AGAP3: variants seen among roughly 807,000 people sequenced by gnomAD.
AGAP3 encodes ArfGAP with GTPase domain, ankyrin repeat and PH domain 3, also known as arf-GAP with GTPase, ANK repeat and PH domain-containing protein 3.
A neutral mutation model predicts 96.9 loss-of-function variants in AGAP3; 24 were observed. The observed-to-expected ratio is 0.25, with a 90% confidence interval of 0.18 to 0.35. The LOEUF (loss-of-function observed/expected upper bound fraction) is 0.35. Ranked by LOEUF, AGAP3 falls within the 10% of genes least tolerant of loss-of-function variation. The pLI, the probability that AGAP3 is intolerant of heterozygous loss-of-function variation, is 1.00. For synonymous variants in AGAP3, 563 were observed against 536.1 expected, an observed-to-expected ratio of 1.05 and a Z score of -0.69; for missense variants, 876 against 1,254.2, an observed-to-expected ratio of 0.70 and a Z score of 4.55.
chr7:151,130,087 C>T (rs943774076), intron 10 of AGAP3, among the ~76,000 whole-genome samples: 2 of 152,170 alleles, frequency 1.3e-5, no homozygotes, highest in African/African-American at 4.8e-5. Context: ...ACCTCGGTGG[C>T]GGAGCTTGGG....
chr7:151,094,829 C>T (rs1798534227), intron 1 of AGAP3, among the ~76,000 whole-genome samples: 1 of 151,242 alleles, frequency 6.6e-6, no homozygotes, highest in African/African-American at 2.4e-5. Flanking sequence ...TCCCTTCCTC[C>T]CTCCCTTCCC....
In AGAP3 at chr7:151,096,509, G is replaced by A. The variant is rs1798609767; in HGVS notation, c.331+9437G>A. 6.7e-6 allele frequency among the ~76,000 whole-genome samples: 1 copy of A among 150,078 alleles called. No individual in the cohort carries two copies. Among genetic ancestry groups the A allele is most frequent in the Non-Finnish European group, 1.5e-5 (1 of 67,714 alleles). On this transcript the variant is annotated intron_variant, in intron 1 of 17. Coordinates refer to ENST00000397238, the MANE Select transcript of AGAP3 (RefSeq NM_031946.7). This position sits in a 1 kb window ranked among gnomAD's most constrained non-coding sequence, Gnocchi z 4.4. ...TTTTTTTGAGGTGGAGTCTCGCTCT[G>A]TCGCCCAGGCTGGAGTGCAGTGGCG...
chr7:151,105,831 C>G (rs1249939047), intron 1 of AGAP3, among the ~76,000 whole-genome samples: 3 of 137,548 alleles, frequency 2.2e-5, no homozygotes, highest in Non-Finnish European at 3.1e-5. Flanking sequence ...CACACACACA[C>G]AGTCAAGCAT....
intron 3 of AGAP3, 70 bp downstream of exon 3, chr7:151,117,252 G>A (rs2044250763): frequency 6.3e-7 from 1 of 1,576,430 alleles, no homozygotes; most frequent in Admixed American, 1.7e-5. Context: ...CAGGGTCTGG[G>A]TGGGGGGTCT....
At position 151,143,637 on chromosome 7, in the gene AGAP3, T is replaced by C. The variant is rs115279416; in HGVS notation, c.2529+41T>C. On this transcript the variant is annotated intron_variant, in intron 17 of 17. Transcript: ENST00000397238. This position sits in a 1 kb window ranked among gnomAD's most constrained non-coding sequence, Gnocchi z 5.9. ...CTAGCCTGCCCTGACCTCGCTCTTC[T>C]TAGCCTTGTTCTTTGAAAGCAACCT... The C allele has an allele frequency of 5.0e-4, 792 of 1,599,756 alleles. 5 individuals carry two copies. In the African/African-American group the frequency reaches 9.4e-3, roughly 19 times the overall value.
rs772072927 is a variant in AGAP3 at position 151,117,624 on chromosome 7, G to A, written c.565-12G>A. 6.2e-7 allele frequency: 1 copy of A among 1,613,802 alleles called. No individual in the cohort carries two copies. The highest frequency in any genetic ancestry group is 1.7e-4 in the Middle Eastern group (1 of 6,060). On this transcript the variant is annotated splice_polypyrimidine_tract_variant and intron_variant, in intron 4 of 17. Coordinates refer to ENST00000397238, the MANE Select transcript of AGAP3 (RefSeq NM_031946.7). ...CCAGTTGCGGGTGCTAATTTTACTT[G>A]CTCTACCCTAGTTTGCTGCCTGGGT...
chr7:151,120,097 C>T lies in AGAP3; in HGVS notation c.1080C>T (p.Thr360=), dbSNP rs957881817. The T allele has an allele frequency of 1.9e-6, 3 of 1,613,858 alleles. No homozygotes were observed. Among genetic ancestry groups the T allele is most frequent in the Non-Finnish European group, 2.5e-6 (3 of 1,179,862 alleles). ...LRIETIAASS[T]PTPIRKQSKR... ...TCGAGACCATCGCTGCCTCCTCCAC[C>T]CCCACACCCATCCGAAAGCAGTCCA... The change falls in exon 8 of 18, where the codon ACC becomes ACT. Residue 360 remains threonine, a synonymous_variant. Transcript: ENST00000397238.
At chr7:151,122,998 G>A (rs963496322) in intron 8 of AGAP3, 187 of 1,412,708 alleles carry the variant, frequency 1.3e-4, no homozygotes, top group Non-Finnish European at 1.6e-4. Context: ...AGGCCCGGCC[G>A]GACGCTGCAG....
intron 5 of AGAP3, chr7:151,117,983 G>A: frequency 1.1e-6 from 1 of 890,758 alleles, no homozygotes; most frequent in South Asian, 1.8e-5. Context: ...TAGCAGGTCT[G>A]TGTTTTTTTA....
chr7:151,120,254 G>A (rs1799814219), intron 8 of AGAP3, 109 bp downstream of exon 8: 2 of 1,172,252 alleles, frequency 1.7e-6, no homozygotes, highest in Non-Finnish European at 2.4e-6. Context: ...CAGGAAGACG[G>A]TACCTGCAGT....
chr7:151,130,773 C>T lies in AGAP3; in HGVS notation c.1326+2089C>T, dbSNP rs114567517. Reference sequence around the variant, plus strand: ...GTGGCTCCGTGCGCTCACAGCTCTCCGTGGAGCTCTGGCAGAGCCCGCTTC... The same window carrying T: ...GTGGCTCCGTGCGCTCACAGCTCTCTGTGGAGCTCTGGCAGAGCCCGCTTC... On this transcript the variant is annotated intron_variant, in intron 10 of 17. Transcript: ENST00000397238. Among the ~76,000 whole-genome samples the T allele has an allele frequency of 9.6e-3, 1,466 of 152,194 alleles. 25 individuals are homozygous for T. Among genetic ancestry groups the T allele is most frequent in the African/African-American group, 0.033 (1,390 of 41,522 alleles).
intron 10 of AGAP3, among the ~76,000 whole-genome samples, chr7:151,134,137 A>T (rs1406199029): frequency 6.6e-6 from 1 of 152,106 alleles, no homozygotes; most frequent in Non-Finnish European, 1.5e-5. Context: ...TGAGGGCCTG[A>T]GCCTCAGCGC....
chr7:151,138,823 G>A (rs971253538), intron 12 of AGAP3, among the ~76,000 whole-genome samples: 2 of 152,158 alleles, frequency 1.3e-5, no homozygotes, highest in Non-Finnish European at 2.9e-5. Flanking sequence ...GAACTGGGGG[G>A]TCCCTGTGGA....
At chr7:151,128,129 GA>G (rs1459702722) in intron 9 of AGAP3, among the ~76,000 whole-genome samples, 1 of 152,138 alleles carries the variant, frequency 6.6e-6, no homozygotes, top group Non-Finnish European at 1.5e-5. Flanking sequence ...GGAAGGCCAG[GA>G]ACTTAGCAAA....
chr7:151,136,992 G>A (rs1307233637), intron 11 of AGAP3, among the ~76,000 whole-genome samples: 1 of 152,254 alleles, frequency 6.6e-6, no homozygotes, highest in Non-Finnish European at 1.5e-5. Flanking sequence ...GCACGTATGT[G>A]ACTAAGCACT....
At position 151,144,151 on chromosome 7, in the gene AGAP3, G is replaced by T. The variant is rs1800931488; in HGVS notation, c.*208G>T. 1 of 622,422 alleles carries T rather than the reference G, an allele frequency of 1.6e-6. No individual in the cohort carries two copies. The highest frequency in any genetic ancestry group is 2.8e-5 in the East Asian group (1 of 35,868). The allele number at this position is 622,422 out of a possible 1,614,324, so 38.6% of individuals were successfully genotyped here. ...AGAGGGATGAGGGATTTAGCCCTCTGCCCTAAGGTGCCATTGAAAAGGGAC... is the reference window on the plus strand; with the variant it reads ...AGAGGGATGAGGGATTTAGCCCTCTTCCCTAAGGTGCCATTGAAAAGGGAC... On this transcript the variant is annotated 3_prime_UTR_variant, in exon 18 of 18. Transcript: ENST00000397238.
chr7:151,090,318 C>T (rs538860194), intron 1 of AGAP3, among the ~76,000 whole-genome samples: 1 of 149,532 alleles, frequency 6.7e-6, no homozygotes, highest in Non-Finnish European at 1.5e-5. Context: ...TTATGTGTGC[C>T]GGAGCTGGGC....
chr7:151,124,016 C>CG, intron 9 of AGAP3, 130 bp downstream of exon 9: 1 of 942,116 alleles, frequency 1.1e-6, no homozygotes, highest in East Asian at 2.6e-5. Flanking sequence ...CCCTCCTAGG[C>CG]GGAGTCCTTA....
Position 151,140,184 on chromosome 7 carries a change from A to T in AGAP3, c.1804+68A>T. The T allele has an allele frequency of 7.3e-7, 1 of 1,364,754 alleles. No individual in the cohort carries two copies. The highest frequency in any genetic ancestry group is 9.5e-7 in the Non-Finnish European group (1 of 1,052,120). 84.5% of individuals were successfully genotyped at this position (1,364,754 alleles called of 1,614,324 possible). ...GTGGGACTTGGGGATAGTACCCTAAAAGTAACACCTATTTTTTATTTTTTG... is the reference window on the plus strand; with the variant it reads ...GTGGGACTTGGGGATAGTACCCTAATAGTAACACCTATTTTTTATTTTTTG... On this transcript the variant is annotated intron_variant, in intron 13 of 17. Transcript: ENST00000397238. The surrounding 1 kb of genome is among the most constrained non-coding windows in gnomAD (Gnocchi z 5.4).
Sources: allele counts gnomAD v4.1 joint callset (sites outside exome capture counted in the v4.1 genomes callset), GRCh38; gene constraint gnomAD v4.1.1; non-coding constraint Gnocchi (gnomAD v3.1); transcripts MANE v1.5; gene names NCBI Gene and HGNC (gene_info 2026-07-23, HGNC 2026-07-21).